The following GIPC2 variants were observed in gnomAD, a reference collection of about 807,000 sequenced individuals.
The protein encoded by GIPC2 is PDZ domain-containing protein GIPC2.
GIPC2 carries 30 observed loss-of-function variants against 30.6 expected under a neutral mutation model. That is an observed-to-expected ratio of 0.98 (90% CI 0.73 to 1.33). The LOEUF (loss-of-function observed/expected upper bound fraction) is 1.33, where lower values mean the gene tolerates loss of function less well. Ranked by LOEUF, GIPC2 falls within the 40% of genes most tolerant of loss-of-function variation. GIPC2 has a pLI of 0.00. For synonymous variants in GIPC2, 167 were observed against 150.0 expected (o/e 1.11, Z -0.83); for missense variants, 414 against 390.3 (o/e 1.06, Z -0.51).
intron 1 of GIPC2, among the ~76,000 whole-genome samples, chr1:78,059,720 A>G (rs1191467702): frequency 6.6e-6 from 1 of 152,156 alleles, no homozygotes; most frequent in Non-Finnish European, 1.5e-5. Context: ...GCAGTGAGCC[A>G]TGATCGTGCC....
At chr1:78,121,505 T>C (rs1662682638) in intron 4 of GIPC2, among the ~76,000 whole-genome samples, 1 of 152,218 alleles carries the variant, frequency 6.6e-6, no homozygotes. Flanking sequence ...TTTGTTGAAG[T>C]AGACACTTAA....
intron 1 of GIPC2, among the ~76,000 whole-genome samples, chr1:78,049,253 C>G (rs111667090): frequency 0.024 from 3,671 of 152,286 alleles, 49 homozygotes; most frequent in Middle Eastern, 0.071. Flanking sequence ...CCTCCACCTC[C>G]TGGGTTCAAG....
At chr1:78,091,387 A>G in intron 2 of GIPC2, 1 of 516,450 alleles carries the variant, frequency 1.9e-6, no homozygotes, top group South Asian at 2.1e-5. Flanking sequence ...TCTGGTGCTT[A>G]AGATTTTAGG....
At chr1:78,081,919 G>GT (rs1227761966) in intron 2 of GIPC2, among the ~76,000 whole-genome samples, 2 of 151,966 alleles carry the variant, frequency 1.3e-5, no homozygotes, top group African/African-American at 2.4e-5. Context: ...ACTTATCCCT[G>GT]TTTAACCATC....
chr1:78,129,032 G>GAAA (rs59465363), intron 5 of GIPC2, among the ~76,000 whole-genome samples: 1 of 107,412 alleles, frequency 9.3e-6, no homozygotes, highest in Non-Finnish European at 2.2e-5. Context: ...ATAAATAAAT[G>GAAA]AAAAAAAAAA....
chr1:78,128,818 C>G (rs1662834421), intron 5 of GIPC2, among the ~76,000 whole-genome samples: 1 of 151,864 alleles, frequency 6.6e-6, no homozygotes, highest in Non-Finnish European at 1.5e-5. Flanking sequence ...GAGACCCTGT[C>G]TCTACTAAAA....
At position 78,046,101 on chromosome 1, in the gene GIPC2, C is replaced by T. The variant is rs1281337445; in HGVS notation, c.7C>T (p.Leu3=). 4 of 1,468,492 alleles carry T rather than the reference C, an allele frequency of 2.7e-6. No homozygotes were observed. Among genetic ancestry groups the T allele is most frequent in the Admixed American group, 5.5e-5 (2 of 36,634 alleles). 91.0% of individuals were successfully genotyped at this position (1,468,492 alleles called of 1,614,324 possible). A position where few individuals can be genotyped will look rare whatever the true frequency, so the allele number is the denominator to read the frequency against. MP[L]KLRGKKKAKS... ...GCGCTCTCGGCCCTGCAAGATGCCC[C>T]TGAAGCTGCGGGGGAAGAAGAAGGC... is the stretch of plus-strand genomic sequence containing the variant. Residue 3 remains leucine, a synonymous_variant, in exon 1 of 6, where the codon CTG becomes TTG. Transcript: ENST00000370759.
intron 2 of GIPC2, among the ~76,000 whole-genome samples, chr1:78,090,884 G>A (rs1056942116): frequency 6.6e-6 from 1 of 152,142 alleles, no homozygotes; most frequent in African/African-American, 2.4e-5. Context: ...GTGAAAACAG[G>A]TACTGTTTGA....
chr1:78,090,931 G>C (rs1243256356), intron 2 of GIPC2, among the ~76,000 whole-genome samples: 1 of 152,080 alleles, frequency 6.6e-6, no homozygotes, highest in Non-Finnish European at 1.5e-5. Flanking sequence ...ATGAGAAACA[G>C]CTTTAGTAGA....
At chr1:78,085,960 A>G (rs1571497537) in intron 2 of GIPC2, among the ~76,000 whole-genome samples, 1 of 93,304 alleles carries the variant, frequency 1.1e-5, no homozygotes, top group African/African-American at 4.1e-5. Context: ...GTCTTCTGCT[A>G]ACTTTGGGGT....
chr1:78,117,522 C>CA (rs1662591382), intron 3 of GIPC2, among the ~76,000 whole-genome samples: 1 of 152,220 alleles, frequency 6.6e-6, no homozygotes, highest in African/African-American at 2.4e-5. Context: ...CCCTCACATG[C>CA]ACAATTCACA....
chr1:78,059,837 G>A (rs1038193197), intron 1 of GIPC2, among the ~76,000 whole-genome samples: 3 of 152,168 alleles, frequency 2.0e-5, no homozygotes, highest in African/African-American at 7.2e-5. Flanking sequence ...TCTTGTTAGA[G>A]ACGTGCTAGA....
intron 2 of GIPC2, among the ~76,000 whole-genome samples, chr1:78,084,206 A>G (rs1044244773): frequency 6.6e-6 from 1 of 152,188 alleles, no homozygotes; most frequent in Non-Finnish European, 1.5e-5. Flanking sequence ...GAATTAGAGA[A>G]CATGTTTATT....
chr1:78,107,299 C>T (rs1571513539), intron 3 of GIPC2, among the ~76,000 whole-genome samples: 2 of 152,028 alleles, frequency 1.3e-5, no homozygotes, highest in East Asian at 3.9e-4. Flanking sequence ...GTGCAGGCCA[C>T]CAACCTAGCG....
At chr1:78,116,349 G>T (rs1294766187) in intron 3 of GIPC2, among the ~76,000 whole-genome samples, 1 of 152,040 alleles carries the variant, frequency 6.6e-6, no homozygotes, top group Non-Finnish European at 1.5e-5. Flanking sequence ...ATATCACCTA[G>T]GTTCTTTTTT....
At chr1:78,090,509 CA>C (rs1199562654) in intron 2 of GIPC2, among the ~76,000 whole-genome samples, 1 of 152,046 alleles carries the variant, frequency 6.6e-6, no homozygotes, top group Non-Finnish European at 1.5e-5. Context: ...CTTGTACTTT[CA>C]AATTTAAAAT....
chr1:78,060,170 C>T (rs545631308), intron 1 of GIPC2, among the ~76,000 whole-genome samples: 2 of 151,576 alleles, frequency 1.3e-5, no homozygotes, highest in Non-Finnish European at 2.9e-5. Context: ...CTAATCTAAC[C>T]TGTTTCATCT....
rs867015382 is a variant in GIPC2, at chr1:78,058,734, G to A, written c.240+12400G>A. Among the ~76,000 whole-genome samples the A allele has an allele frequency of 2.0e-4, 30 of 152,244 alleles. No individual in the cohort carries two copies. In the Middle Eastern group the frequency reaches 0.014, roughly 69 times the overall value. ...AAAATTTAAATATCCAAGAATCTTG[G>A]TGTTTATTATTCCCTTCACTTATTT... is the stretch of plus-strand genomic sequence containing the variant. On this transcript the variant is annotated intron_variant, in intron 1 of 5. Coordinates refer to ENST00000370759, the MANE Select transcript of GIPC2 (RefSeq NM_017655.6).
In GIPC2 at chr1:78,118,508, G is replaced by A. The variant is rs74093221; in HGVS notation, c.608-885G>A. On this transcript the variant is annotated intron_variant, in intron 3 of 5. Transcript: ENST00000370759. Reference sequence around the variant, plus strand: ...TATGTTACTGCTTGGTAACATATTTGGTGGTGACGCTTAGTTTGTTGCAAA... The same window carrying A: ...TATGTTACTGCTTGGTAACATATTTAGTGGTGACGCTTAGTTTGTTGCAAA... Among the ~76,000 whole-genome samples the A allele has an allele frequency of 2.4e-3, 366 of 152,098 alleles. 1 individual carries two copies. The highest frequency in any genetic ancestry group is 8.5e-3 in the African/African-American group (351 of 41,470).
Sources: allele counts gnomAD v4.1 joint callset (sites outside exome capture counted in the v4.1 genomes callset), GRCh38; gene constraint gnomAD v4.1.1; transcripts MANE v1.5; gene names NCBI Gene and HGNC (gene_info 2026-07-23, HGNC 2026-07-21).